DOCK9: variants seen among roughly 807,000 people sequenced by gnomAD.
The protein encoded by DOCK9 is dedicator of cytokinesis 9.
A neutral mutation model predicts 263.3 loss-of-function variants in DOCK9; 89 were observed. The observed-to-expected ratio is 0.34, with a 90% CI of 0.28 to 0.40. DOCK9 has a LOEUF of 0.40. DOCK9 is among the 10% of genes least tolerant of loss of function. The pLI is 1.00. For missense variants in DOCK9, 2,140 were observed against 2,603.4 expected, an observed-to-expected ratio of 0.82 and a Z score of 3.87; for synonymous variants, 976 against 973.1, an observed-to-expected ratio of 1.00 and a Z score of -0.06.
chr13:99,073,026 T>C (rs1328434777), intron 1 of DOCK9, among the ~76,000 whole-genome samples: 2 of 152,014 alleles, frequency 1.3e-5, no homozygotes, highest in East Asian at 1.9e-4. Flanking sequence ...GAATTGGCCA[T>C]AGGAGATCCA....
At chr13:98,832,022 A>AGGCCGGGCGCGGTGGCT in intron 39 of DOCK9, 1 of 521,828 alleles carries the variant, frequency 1.9e-6, no homozygotes, top group Non-Finnish European at 3.4e-6. Flanking sequence ...TGAAAGGAAC[A>AGGCCGGGCGCGGTGGCT]CTTGCTTAGT....
chr13:99,057,247 A>G (rs1255819280), intron 1 of DOCK9, among the ~76,000 whole-genome samples: 2 of 152,186 alleles, frequency 1.3e-5, no homozygotes, highest in African/African-American at 2.4e-5. Context: ...CTTGCAACCA[A>G]GAGTCCAAAT....
intron 1 of DOCK9, among the ~76,000 whole-genome samples, chr13:99,075,331 G>A (rs2041865240): frequency 7.0e-6 from 1 of 141,938 alleles, no homozygotes. Flanking sequence ...TCAAACCCAT[G>A]TTGTTCAAAG....
Position 98,955,446 on chromosome 13 carries a change from C to T in DOCK9, c.232G>A (p.Asp78Asn). The T allele has an allele frequency of 1.9e-6, 3 of 1,584,270 alleles. No individual in the cohort carries two copies. Among genetic ancestry groups the T allele is most frequent in the South Asian group, 1.2e-5 (1 of 86,552 alleles). Residue 78 changes from aspartate (D) to asparagine (N), a missense_variant, in exon 2 of 53, where the codon GAT (aspartate) becomes AAT (asparagine). Transcript: ENST00000682017. ...ATAACGTTACTTACCTGAAAGTCAT[C>T]GTAAGGGAAGAGCAGCATCTCCCGT... ...CLREMLLFPY[D>N]DFQTAILRRQ...
intron 27 of DOCK9, among the ~76,000 whole-genome samples, chr13:98,870,825 T>C (rs2094165309): frequency 6.6e-6 from 1 of 150,850 alleles, no homozygotes. Context: ...ACGGTGAGGC[T>C]ACCATCAGCC....
chr13:98,857,787 A>G (rs1362061524), intron 33 of DOCK9: 1 of 152,254 alleles, frequency 6.6e-6, no homozygotes, highest in Non-Finnish European at 1.5e-5. Context: ...CCTTATTGTC[A>G]GCCAGTGGCT....
At position 98,897,532 on chromosome 13, in the gene DOCK9, C is replaced by T. The variant is rs1358874467; in HGVS notation, c.1665G>A (p.Lys555=). 6.2e-7 allele frequency: 1 copy of T among 1,613,980 alleles called. No homozygotes were observed. The highest frequency in any genetic ancestry group is 2.2e-5 in the East Asian group (1 of 44,878). The part of the protein sequence containing the change: ...FSAIYRQDSN[K]LSNDDMLKLL... ...ACTTGAGCATGTCATCATTGGATAG[C>T]TTATTGCTGTCTTGCCTGTAGATGG... The change falls in exon 15 of 53, where the codon AAG becomes AAA. Residue 555 remains lysine, a synonymous_variant. Transcript: ENST00000682017.
chr13:99,084,103 TA>T (rs903945563), intron 1 of DOCK9, among the ~76,000 whole-genome samples: 10 of 152,116 alleles, frequency 6.6e-5, no homozygotes, highest in African/African-American at 1.7e-4. Context: ...CCTCACCTCT[TA>T]GACCTTCATA....
intron 1 of DOCK9, among the ~76,000 whole-genome samples, chr13:98,965,634 C>T (rs2059112956): frequency 6.6e-6 from 1 of 152,208 alleles, no homozygotes; most frequent in East Asian, 1.9e-4. Flanking sequence ...TTTAATTTTG[C>T]ACTTTCATTG....
chr13:98,826,219 T>C (rs1185584721), intron 44 of DOCK9, among the ~76,000 whole-genome samples: 9 of 152,172 alleles, frequency 5.9e-5, no homozygotes, highest in Non-Finnish European at 8.8e-5. Context: ...AGAACCTCAG[T>C]ATTCTAAAAA....
At chr13:98,976,729 T>G (rs9513521) in intron 1 of DOCK9, among the ~76,000 whole-genome samples, 1 of 152,234 alleles carries the variant, frequency 6.6e-6, no homozygotes, top group Non-Finnish European at 1.5e-5. Context: ...GACCATGATA[T>G]TTTACTAACT....
At chr13:99,008,625 C>T (rs1327654270) in intron 1 of DOCK9, among the ~76,000 whole-genome samples, 3 of 152,210 alleles carry the variant, frequency 2.0e-5, no homozygotes, top group Non-Finnish European at 4.4e-5. Context: ...GCTAAAGCTG[C>T]TACAACAAAA....
At chr13:98,855,655 C>G (rs1260734457) in intron 34 of DOCK9, among the ~76,000 whole-genome samples, 4 of 152,120 alleles carry the variant, frequency 2.6e-5, no homozygotes, top group African/African-American at 4.8e-5. Flanking sequence ...CCCACCAGAG[C>G]CATTCACTCA....
chr13:98,890,174 TA>T (rs2046398987), intron 15 of DOCK9, among the ~76,000 whole-genome samples: 4 of 152,204 alleles, frequency 2.6e-5, no homozygotes, highest in Admixed American at 2.6e-4. Context: ...CTTTATGTCA[TA>T]AAAATATTTA....
Position 98,977,784 on chromosome 13 carries a change from C to A in DOCK9, c.126G>T (p.Pro42=). The A allele has an allele frequency of 6.2e-7, 1 of 1,611,552 alleles. No individual in the cohort carries two copies. Among genetic ancestry groups the A allele is most frequent in the Non-Finnish European group, 8.5e-7 (1 of 1,179,002 alleles). ...EVEAESPGPV[P]AKPKLIEPLD... The stretch of plus-strand genomic sequence containing the variant: ...AACACTTTGTACGAGACCCTCTTAC[C>A]GGCACAGGGCCCGGGCTCTCTGCTT... The change falls in exon 1 of 53, where the codon CCG becomes CCT. Residue 42 remains proline (P), a splice_region_variant and synonymous_variant. Coordinates refer to ENST00000682017, the MANE Select transcript of DOCK9 (RefSeq NM_001366683.2).
At chr13:98,919,364 G>A (rs1056318910) in intron 7 of DOCK9, among the ~76,000 whole-genome samples, 15 of 152,164 alleles carry the variant, frequency 9.9e-5, no homozygotes, top group Admixed American at 2.6e-4. Flanking sequence ...CTCCCAAAGC[G>A]TTGAGATTAC....
intron 9 of DOCK9, among the ~76,000 whole-genome samples, chr13:98,909,069 G>C: frequency 6.6e-6 from 1 of 152,194 alleles, no homozygotes; most frequent in African/African-American, 2.4e-5. Flanking sequence ...ACACCCTGTT[G>C]CCACTTTCCT....
chr13:99,086,244 C>G (rs1222930799), exon 1 of DOCK9: 25 of 1,503,158 alleles, frequency 1.7e-5, no homozygotes, highest in Non-Finnish European at 1.9e-5. Flanking sequence ...AGCCGCGCAC[C>G]ACCTCAGACA....
At chr13:98,923,451 G>A (rs2052408956) in intron 4 of DOCK9, 80 bp from the exon 5 acceptor site, 1 of 1,180,064 alleles carries the variant, frequency 8.5e-7, no homozygotes, top group South Asian at 1.2e-5. Context: ...CCATCATAGG[G>A]CCCGGCCTTT....
Sources: gnomAD v4.1 joint callset for allele counts (sites outside exome capture counted in the v4.1 genomes callset) on GRCh38, gnomAD v4.1.1 for gene constraint, MANE v1.5 for transcripts, NCBI Gene and HGNC (gene_info 2026-07-23, HGNC 2026-07-21) for gene names.